Variants in GRID2 observed in about 807,000 individuals in gnomAD.
GRID2 encodes glutamate receptor ionotropic, delta-2.
GRID2 carries 33 observed loss-of-function variants against 114.8 expected under a neutral mutation model. The observed-to-expected ratio is 0.29, with a 90% CI of 0.22 to 0.38. The LOEUF (loss-of-function observed/expected upper bound fraction) is 0.38. Among genes scored for constraint, GRID2 ranks in the 10% least tolerant of loss-of-function variants. The probability of loss-of-function intolerance (pLI) is 1.00; values close to 1 mark genes in which losing one functional copy is unlikely to be tolerated. For missense variants in GRID2, 1,184 were observed against 1,257.7 expected, an observed-to-expected ratio of 0.94 and a Z score of 0.89; for synonymous variants, 505 against 449.9, an observed-to-expected ratio of 1.12 and a Z score of -1.55.
chr4:93,208,533 A>G (rs1743080033), intron 5 of GRID2, among the ~76,000 whole-genome samples: 1 of 152,040 alleles, frequency 6.6e-6, no homozygotes, highest in Non-Finnish European at 1.5e-5. Context: ...ATGGAATACT[A>G]AACCATATTC....
chr4:93,316,339 A>AGAAAGAAGGAAG (rs1192535496), intron 8 of GRID2, among the ~76,000 whole-genome samples: 31 of 55,014 alleles, frequency 5.6e-4, no homozygotes, highest in African/African-American at 1.7e-3. Flanking sequence ...AAAGAAAGAA[A>AGAAAGAAGGAAG]GAAGGAAGGA....
rs200157675 is a variant in GRID2, at chr4:93,229,160, AG to A, written c.1125+4386del. Among the ~76,000 whole-genome samples the A allele has an allele frequency of 6.9e-3, 1,049 of 151,064 alleles. 7 individuals are homozygous for A. Among genetic ancestry groups the A allele is most frequent in the African/African-American group, 0.02 (842 of 41,286 alleles). ...AAACTGACTTTAAAAATGGATTTTT[AG>A]AAAAAAAAATTGGATTACTTTTTGC... On this transcript the variant is annotated intron_variant, in intron 7 of 15. Coordinates refer to ENST00000282020, the MANE Select transcript of GRID2 (RefSeq NM_001510.4).
chr4:92,562,802 A>C (rs374172040), intron 1 of GRID2, among the ~76,000 whole-genome samples: 1 of 152,178 alleles, frequency 6.6e-6, no homozygotes, highest in African/African-American at 2.4e-5. Flanking sequence ...TATCTTTACT[A>C]AGGCTATATT....
intron 2 of GRID2, among the ~76,000 whole-genome samples, chr4:92,811,237 T>C (rs946483133): frequency 6.6e-6 from 1 of 152,204 alleles, no homozygotes. Context: ...TGTAGTTTTA[T>C]ACTATAATTT....
chr4:93,724,691 G>A lies in GRID2; in HGVS notation c.2361-44519G>A, dbSNP rs1294264699. Among the ~76,000 whole-genome samples the A allele has an allele frequency of 1.3e-4, 20 of 152,132 alleles. 1 individual carries two copies. The highest frequency in any genetic ancestry group is 1.3e-3 in the Admixed American group (20 of 15,250). On this transcript the variant is annotated intron_variant, in intron 14 of 15. Coordinates refer to ENST00000282020, the MANE Select transcript of GRID2 (RefSeq NM_001510.4). ...AGACCGAGAGAGGAATGAGTGGGGA[G>A]AGAAGAGGAGGGACAGTTGATGGTG...
intron 3 of GRID2, among the ~76,000 whole-genome samples, chr4:93,109,315 T>C (rs533924530): frequency 2.0e-5 from 3 of 152,310 alleles, no homozygotes; most frequent in Admixed American, 1.3e-4. Context: ...ATTTATACAG[T>C]ATATATGTTG....
intron 13 of GRID2, among the ~76,000 whole-genome samples, chr4:93,533,570 A>G (rs994841663): frequency 6.0e-5 from 3 of 49,940 alleles, no homozygotes; most frequent in Admixed American, 2.6e-4. Flanking sequence ...TGGTATTTTT[A>G]GTAGAGATGG....
intron 2 of GRID2, among the ~76,000 whole-genome samples, chr4:92,946,788 G>A (rs1483725136): frequency 1.3e-5 from 2 of 152,034 alleles, no homozygotes; most frequent in East Asian, 1.9e-4. Context: ...ACTTGGTAAA[G>A]CACTGGTTTT....
chr4:92,902,180 A>C (rs1747629687), intron 2 of GRID2, among the ~76,000 whole-genome samples: 1 of 152,062 alleles, frequency 6.6e-6, no homozygotes, highest in African/African-American at 2.4e-5. Flanking sequence ...GAAAAGTTAC[A>C]TATTTCTGGA....
At chr4:93,272,156 A>G (rs950167429) in intron 8 of GRID2, among the ~76,000 whole-genome samples, 3 of 152,196 alleles carry the variant, frequency 2.0e-5, no homozygotes, top group African/African-American at 7.2e-5. Context: ...AGTAAAAATT[A>G]TTGACCTTCT....
intron 1 of GRID2, among the ~76,000 whole-genome samples, chr4:92,586,239 T>G (rs1728434145): frequency 1.3e-5 from 2 of 151,590 alleles, no homozygotes. Flanking sequence ...ACTTGTTGAG[T>G]TGGTTAGGTT....
intron 13 of GRID2, among the ~76,000 whole-genome samples, chr4:93,616,406 G>T (rs773645497): frequency 6.6e-6 from 1 of 151,462 alleles, no homozygotes; most frequent in East Asian, 2.0e-4. Context: ...AATTAGACCA[G>T]TGTGATGGTG....
chr4:92,696,251 G>A (rs1026041204), intron 2 of GRID2, among the ~76,000 whole-genome samples: 1 of 152,044 alleles, frequency 6.6e-6, no homozygotes, highest in Non-Finnish European at 1.5e-5. Flanking sequence ...AGCATAATAT[G>A]GGGAATAATA....
intron 4 of GRID2, among the ~76,000 whole-genome samples, chr4:93,111,209 G>C (rs1732732838): frequency 6.6e-6 from 1 of 152,152 alleles, no homozygotes; most frequent in Non-Finnish European, 1.5e-5. Flanking sequence ...TCTTATAGAA[G>C]TTTAAAAGTG....
chr4:92,396,484 C>T (rs140045577), intron 1 of GRID2, among the ~76,000 whole-genome samples: 89 of 152,058 alleles, frequency 5.9e-4, no homozygotes, highest in African/African-American at 2.1e-3. Context: ...CATACACAGT[C>T]ATCTTCAATA....
intron 2 of GRID2, among the ~76,000 whole-genome samples, chr4:93,030,182 A>G (rs190929409): frequency 6.6e-6 from 1 of 152,240 alleles, no homozygotes; most frequent in African/African-American, 2.4e-5. Flanking sequence ...ATACATAACT[A>G]TTTCATGGTA....
chr4:93,247,602 T>C (rs1748354934), intron 8 of GRID2, among the ~76,000 whole-genome samples: 1 of 152,060 alleles, frequency 6.6e-6, no homozygotes, highest in Non-Finnish European at 1.5e-5. Flanking sequence ...TCTTGTTTCT[T>C]AGGCCCTTGG....
chr4:93,235,716 G>T (rs1746706327), intron 7 of GRID2, among the ~76,000 whole-genome samples: 1 of 152,048 alleles, frequency 6.6e-6, no homozygotes, highest in Admixed American at 6.6e-5. Flanking sequence ...AAGTCATAAA[G>T]TTGAGCAAGG....
intron 1 of GRID2, among the ~76,000 whole-genome samples, chr4:92,353,908 C>G (rs1391895883): frequency 1.3e-5 from 2 of 152,030 alleles, no homozygotes; most frequent in African/African-American, 2.4e-5. Flanking sequence ...TCTGCCAAAG[C>G]CTTAAGCTGT....
Sources: allele counts gnomAD v4.1 joint callset (sites outside exome capture counted in the v4.1 genomes callset), GRCh38; gene constraint gnomAD v4.1.1; transcripts MANE v1.5; gene names NCBI Gene and HGNC (gene_info 2026-07-23, HGNC 2026-07-21).